Variants in SYN3 observed in about 807,000 individuals in gnomAD.
The protein encoded by SYN3 is synapsin III, also known as synapsin-3.
In SYN3, 35 loss-of-function variants were observed where a neutral mutation model predicts 65.8. That is an observed-to-expected ratio of 0.53 (90% CI 0.41 to 0.70). SYN3 has a LOEUF of 0.70. Ranked by LOEUF, SYN3 falls within the 30% of genes least tolerant of loss-of-function variation. SYN3 has a pLI of 0.00. For synonymous variants in SYN3, 270 were observed against 292.9 expected, an observed-to-expected ratio of 0.92 and a Z score of 0.80; for missense variants, 680 against 749.0, an observed-to-expected ratio of 0.91 and a Z score of 1.08.
intron 3 of SYN3, among the ~76,000 whole-genome samples, chr22:32,935,143 G>C (rs1258332466): frequency 2.0e-5 from 3 of 152,130 alleles, no homozygotes; most frequent in Non-Finnish European, 4.4e-5. Flanking sequence ...TAATAACTTT[G>C]GGAATTGAAT....
intron 4 of SYN3, among the ~76,000 whole-genome samples, chr22:32,870,732 C>T (rs913741284): frequency 6.6e-6 from 1 of 152,174 alleles, no homozygotes; most frequent in African/African-American, 2.4e-5. Flanking sequence ...CCAAAAGACA[C>T]CCTGTATCCT....
chr22:32,611,755 A>G (rs934043805), intron 6 of SYN3, among the ~76,000 whole-genome samples: 1 of 152,162 alleles, frequency 6.6e-6, no homozygotes, highest in South Asian at 2.1e-4. Context: ...CTGTGCTTCC[A>G]GTTCCTGAGA....
chr22:32,859,758 A>C, intron 6 of SYN3: 1 of 263,058 alleles, frequency 3.8e-6, no homozygotes, highest in Non-Finnish European at 7.4e-6. Flanking sequence ...CCACCTCACC[A>C]TCTCCCAGAC....
At chr22:32,856,009 A>G (rs1253329406) in intron 6 of SYN3, among the ~76,000 whole-genome samples, 1 of 152,238 alleles carries the variant, frequency 6.6e-6, no homozygotes, top group East Asian at 1.9e-4. Context: ...AATAAAAAAC[A>G]TGGAGAATTT....
chr22:32,624,206 T>C (rs1441813603), intron 6 of SYN3, among the ~76,000 whole-genome samples: 1 of 152,124 alleles, frequency 6.6e-6, no homozygotes, highest in Non-Finnish European at 1.5e-5. Context: ...GAAGTCAGGG[T>C]TTGGAACGGT....
chr22:32,853,727 C>T (rs149029069), intron 6 of SYN3, among the ~76,000 whole-genome samples: 11 of 152,322 alleles, frequency 7.2e-5, no homozygotes, highest in African/African-American at 2.4e-4. Context: ...TCCTCCTCTC[C>T]TTACGAATTT....
chr22:32,670,792 C>T (rs895354011), intron 6 of SYN3, among the ~76,000 whole-genome samples: 4 of 152,206 alleles, frequency 2.6e-5, no homozygotes, highest in South Asian at 4.1e-4. Context: ...TTGTATATAA[C>T]GAGCATGTGC....
chr22:32,645,273 G>T (rs923013947), intron 6 of SYN3, among the ~76,000 whole-genome samples: 2 of 152,072 alleles, frequency 1.3e-5, no homozygotes, highest in Admixed American at 1.3e-4. Flanking sequence ...CCAACATGGA[G>T]AAACCCCGTC....
In SYN3 at chr22:32,801,317, G is replaced by A. The variant is rs556042747; in HGVS notation, c.711+63598C>T. On this transcript the variant is annotated intron_variant, in intron 6 of 13. Coordinates refer to ENST00000358763, the MANE Select transcript of SYN3 (RefSeq NM_003490.4). This position sits in a 1 kb window ranked among gnomAD's most constrained non-coding sequence, Gnocchi z 4.7. ...TCTAGGACATGGCCACCCCTCACCT[G>A]TGGAAGCGGTCCTGCTGGGGTGGGT... Among the ~76,000 whole-genome samples, 1 of 152,364 alleles carries A rather than the reference G, an allele frequency of 6.6e-6. No individual in the cohort carries two copies. The highest frequency in any genetic ancestry group is 2.1e-4 in the South Asian group (1 of 4,832).
intron 1 of SYN3, among the ~76,000 whole-genome samples, chr22:33,051,699 C>A (rs902132650): frequency 9.2e-5 from 14 of 152,012 alleles, no homozygotes; most frequent in Non-Finnish European, 1.5e-5. Flanking sequence ...GGGTCAGGGA[C>A]CCAAAGGTCC....
intron 7 of SYN3, among the ~76,000 whole-genome samples, chr22:32,564,709 C>T (rs146990075): frequency 0.053 from 7,981 of 151,360 alleles, 557 homozygotes; most frequent in African/African-American, 0.18. Context: ...TGCACCCAAA[C>T]AGTGCTCCCG....
chr22:32,988,266 C>T (rs1406615243), intron 2 of SYN3, among the ~76,000 whole-genome samples: 1 of 150,944 alleles, frequency 6.6e-6, no homozygotes, highest in South Asian at 2.1e-4. Context: ...AAGATCTCGC[C>T]ACTGCACTCC....
intron 6 of SYN3, among the ~76,000 whole-genome samples, chr22:32,739,402 AGTCTCGG>A (rs2061376711): frequency 6.7e-6 from 1 of 148,320 alleles, no homozygotes; most frequent in Non-Finnish European, 1.5e-5. Flanking sequence ...TAAATTACCC[AGTCTCGG>A]GTATGTCTTT....
intron 7 of SYN3, among the ~76,000 whole-genome samples, chr22:32,550,564 C>T (rs1333508382): frequency 6.6e-6 from 1 of 151,616 alleles, no homozygotes; most frequent in African/African-American, 2.4e-5. Context: ...AAAAGAGATA[C>T]AATTTTAAAA....
intron 6 of SYN3, among the ~76,000 whole-genome samples, chr22:32,664,096 G>C (rs1379958623): frequency 3.3e-5 from 5 of 152,270 alleles, no homozygotes; most frequent in Admixed American, 2.6e-4. Flanking sequence ...ATGTGAAGAT[G>C]GTAAGAGCTA....
At chr22:32,823,983 T>G (rs1355085554) in intron 6 of SYN3, among the ~76,000 whole-genome samples, 2 of 152,152 alleles carry the variant, frequency 1.3e-5, no homozygotes, top group African/African-American at 4.8e-5. Context: ...TACATTCCTG[T>G]AAAATACAGT....
intron 6 of SYN3, among the ~76,000 whole-genome samples, chr22:32,822,047 C>T (rs567750509): frequency 1.9e-4 from 28 of 150,212 alleles, no homozygotes; most frequent in African/African-American, 6.6e-4. Flanking sequence ...CCCAGCTACT[C>T]GGGAGGCTGA....
chr22:32,569,516 ATATC>A (rs1167003418), intron 7 of SYN3, among the ~76,000 whole-genome samples: 2 of 149,798 alleles, frequency 1.3e-5, no homozygotes, highest in Admixed American at 6.7e-5. Context: ...TCATCTATCT[ATATC>A]TATCTAAAAT....
At chr22:32,650,254 C>CCTCCCTCT (rs1569124747) in intron 6 of SYN3, among the ~76,000 whole-genome samples, 1 of 100,458 alleles carries the variant, frequency 1.0e-5, no homozygotes, top group South Asian at 3.2e-4. Flanking sequence ...TCCCTCCCTC[C>CCTCCCTCT]CTCCCTCTCT....
Sources: gnomAD v4.1 joint callset for allele counts (sites outside exome capture counted in the v4.1 genomes callset) on GRCh38, gnomAD v4.1.1 for gene constraint, Gnocchi (gnomAD v3.1) non-coding constraint, MANE v1.5 for transcripts, NCBI Gene and HGNC (gene_info 2026-07-23, HGNC 2026-07-21) for gene names.